MRTFB: variants seen among roughly 807,000 people sequenced by gnomAD.
The protein encoded by MRTFB is myocardin related transcription factor B, also known as myocardin-related transcription factor B.
MRTFB carries 29 observed loss-of-function variants against 104.2 expected under a neutral mutation model. The observed-to-expected ratio is 0.28, with a 90% CI of 0.21 to 0.38. The LOEUF (loss-of-function observed/expected upper bound fraction) is 0.38, where lower values mean the gene tolerates loss of function less well. Among genes scored for constraint, MRTFB ranks in the 10% least tolerant of loss-of-function variants. The pLI, the probability that MRTFB is intolerant of heterozygous loss-of-function variation, is 1.00. For missense variants in MRTFB, 1,270 were observed against 1,341.6 expected (o/e 0.95, Z 0.83); for synonymous variants, 535 against 519.5 (o/e 1.03, Z -0.41).
chr16:14,236,380 A>T (rs993111184), intron 9 of MRTFB, among the ~76,000 whole-genome samples: 5 of 152,206 alleles, frequency 3.3e-5, no homozygotes, highest in Admixed American at 2.0e-4. Flanking sequence ...TGTTGAACGG[A>T]TACTTATTCA....
rs1567198336 is a variant in MRTFB at position 14,234,185 on chromosome 16, A to G, written c.733A>G (p.Thr245Ala). The G allele has an allele frequency of 6.2e-7, 1 of 1,610,014 alleles. No individual in the cohort carries two copies. The highest frequency in any genetic ancestry group is 1.1e-5 in the South Asian group (1 of 90,724). ...VSPTVPEFLK[T>A]PPTADQPPPR... is the part of the protein sequence containing the mutation. ...CCCAACAGTTCCTGAATTCTTGAAA[A>G]CTCCTCCAACTGCAGATCAGCCTCC... The change falls in exon 9 of 17, where the codon ACT becomes GCT. Residue 245 changes from threonine (T) to alanine (A), a missense_variant. Coordinates refer to ENST00000571589, the MANE Select transcript of MRTFB (RefSeq NM_001308142.2).
At chr16:14,252,738 T>TA (rs1479049350) in intron 15 of MRTFB, among the ~76,000 whole-genome samples, 1 of 152,218 alleles carries the variant, frequency 6.6e-6, no homozygotes, top group African/African-American at 2.4e-5. Context: ...ATTAAGGGTT[T>TA]ATCTCTTAAC....
chr16:14,256,964 G>A (rs915111471), intron 15 of MRTFB, among the ~76,000 whole-genome samples: 1 of 152,188 alleles, frequency 6.6e-6, no homozygotes, highest in African/African-American at 2.4e-5. Flanking sequence ...AAGATAAATG[G>A]ATGGCAGATA....
intron 8 of MRTFB, among the ~76,000 whole-genome samples, chr16:14,225,041 CCAGA>C (rs2041935701): frequency 6.6e-6 from 1 of 152,066 alleles, no homozygotes; most frequent in African/African-American, 2.4e-5. Context: ...ACAAAATTAG[CCAGA>C]TGTGGTGGCG....
Position 14,176,295 on chromosome 16 carries a change from A to T in MRTFB, c.155-33948A>T, listed in dbSNP as rs984413936. Among the ~76,000 whole-genome samples the T allele has an allele frequency of 3.3e-5, 5 of 152,264 alleles. No individual in the cohort carries two copies. The East Asian group carries it at 9.6e-4, about 29-fold the overall frequency. On this transcript the variant is annotated intron_variant, in intron 3 of 16. Transcript: ENST00000571589. ...ACACTGGAATAGATCTTATAGGAAT[A>T]AGATAAATGAGATACAGTTCCAGCT...
At position 14,225,305 on chromosome 16, in the gene MRTFB, A is replaced by T. The variant is rs987782779; in HGVS notation, c.693+6307A>T. On this transcript the variant is annotated intron_variant, in intron 8 of 16. Transcript: ENST00000571589. ...AAATACACATTCATTAAAAATTACAAATCTATGTTAATGGCCACACAGTAT... is the reference window on the plus strand; with the variant it reads ...AAATACACATTCATTAAAAATTACATATCTATGTTAATGGCCACACAGTAT... Among the ~76,000 whole-genome samples, 3 of 152,244 alleles carry T rather than the reference A, an allele frequency of 2.0e-5. No individual in the cohort carries two copies. In the South Asian group the frequency reaches 6.2e-4, roughly 31 times the overall value.
intron 2 of MRTFB, among the ~76,000 whole-genome samples, chr16:14,091,072 G>A (rs771282942): frequency 4.6e-5 from 7 of 152,066 alleles, no homozygotes; most frequent in Admixed American, 1.3e-4. Context: ...GTCCAGCAGC[G>A]GGGAGGTGAT....
chr16:14,164,575 A>G lies in MRTFB; in HGVS notation c.154+23815A>G, dbSNP rs1218334824. ...AGTGCTGCCTTAAACATGGCAGTGC[A>G]GGTATCCCTTTGATAGACTAGTTTC... On this transcript the variant is annotated intron_variant, in intron 3 of 16. Transcript: ENST00000571589. Among the ~76,000 whole-genome samples the G allele has an allele frequency of 3.3e-5, 5 of 152,202 alleles. No individual in the cohort carries two copies. The South Asian group carries it at 1.0e-3, about 32-fold the overall frequency.
the MRTFB span, among the ~76,000 whole-genome samples, chr16:14,030,955 C>T: frequency 6.6e-6 from 1 of 152,196 alleles, no homozygotes; most frequent in African/African-American, 2.4e-5. Context: ...GACTTGGGGG[C>T]GTAGGTTGTC....
the MRTFB span, among the ~76,000 whole-genome samples, chr16:14,002,582 C>T: frequency 3.4e-4 from 52 of 152,278 alleles, no homozygotes; most frequent in African/African-American, 1.1e-3. Context: ...AATTCTCTCA[C>T]GTACTGGTGA....
At chr16:14,057,223 G>C in the MRTFB span, among the ~76,000 whole-genome samples, 2 of 152,122 alleles carry the variant, frequency 1.3e-5, no homozygotes, top group East Asian at 3.9e-4. Context: ...GTTGAGATGG[G>C]AATGCAAATT....
intron 3 of MRTFB, among the ~76,000 whole-genome samples, chr16:14,163,135 T>G (rs1216417505): frequency 6.6e-6 from 1 of 152,216 alleles, no homozygotes. Flanking sequence ...TTATTTGCAG[T>G]TCTTTTTGTT....
At chr16:14,254,982 T>C (rs1320052161) in intron 15 of MRTFB, among the ~76,000 whole-genome samples, 1 of 152,096 alleles carries the variant, frequency 6.6e-6, no homozygotes, top group African/African-American at 2.4e-5. Context: ...TTTTAACAAC[T>C]AAATGGAAAT....
At chr16:14,061,791 C>T in the MRTFB span, among the ~76,000 whole-genome samples, 1 of 152,056 alleles carries the variant, frequency 6.6e-6, no homozygotes, top group African/African-American at 2.4e-5. Flanking sequence ...TGTTTGGAAC[C>T]AGGTAGGACT....
chr16:14,093,951 A>G (rs1330052281), intron 2 of MRTFB, among the ~76,000 whole-genome samples: 1 of 152,182 alleles, frequency 6.6e-6, no homozygotes, highest in Non-Finnish European at 1.5e-5. Flanking sequence ...AGCTTTTTCT[A>G]TTTTCTGAAA....
chr16:14,162,152 C>CAA (rs376183467), intron 3 of MRTFB, among the ~76,000 whole-genome samples: 5,754 of 62,484 alleles, frequency 0.092, 628 homozygotes, highest in African/African-American at 0.22. Flanking sequence ...CCTGTCTCTA[C>CAA]AAAAAAAAAA....
chr16:14,160,125 A>G (rs532359242), intron 3 of MRTFB, among the ~76,000 whole-genome samples: 1 of 152,252 alleles, frequency 6.6e-6, no homozygotes, highest in Non-Finnish European at 1.5e-5. Flanking sequence ...ACTTTCCCCA[A>G]AAATGGCCTT....
the MRTFB span, among the ~76,000 whole-genome samples, chr16:14,048,414 A>G: frequency 6.6e-6 from 1 of 152,228 alleles, no homozygotes; most frequent in Non-Finnish European, 1.5e-5. Context: ...GACTTGGGAC[A>G]GAGTATTCCA....
chr16:14,234,542 C>A (rs909790896), intron 9 of MRTFB, among the ~76,000 whole-genome samples: 3 of 152,112 alleles, frequency 2.0e-5, no homozygotes, highest in Non-Finnish European at 2.9e-5. Context: ...CTCTGTAATC[C>A]CAGTGCTTTG....
Sources: gnomAD v4.1 joint callset for allele counts (sites outside exome capture counted in the v4.1 genomes callset) on GRCh38, gnomAD v4.1.1 for gene constraint, MANE v1.5 for transcripts, NCBI Gene and HGNC (gene_info 2026-07-23, HGNC 2026-07-21) for gene names.